The following DIAPH2 variants were observed in gnomAD, a reference collection of about 807,000 sequenced individuals.
The protein encoded by DIAPH2 is protein diaphanous homolog 2.
DIAPH2 carries 35 observed loss-of-function variants against 92.7 expected under a neutral mutation model. That is an observed-to-expected ratio of 0.38 (90% confidence interval 0.29 to 0.50). DIAPH2 has a LOEUF of 0.50. Among genes scored for constraint, DIAPH2 ranks in the 20% least tolerant of loss-of-function variants. The pLI is 0.94. For synonymous variants in DIAPH2, 301 were observed against 280.4 expected (o/e 1.07, Z -0.73); for missense variants, 701 against 819.5 (o/e 0.86, Z 1.77).
chrX:97,330,085 T>TTGTGTGTGTG lies in DIAPH2; in HGVS notation c.2845-18013_2845-18004dup, dbSNP rs367920689. On this transcript the variant is annotated intron_variant, in intron 23 of 26. Transcript: ENST00000324765. ...AGAAATAAAAATTTAGATTTGGTGT[T>TTGTGTGTGTG]TGTGTGTGTGTGTGTGTGTGTGTGT... 4.7e-4 allele frequency among the ~76,000 whole-genome samples: 45 copies of TTGTGTGTGTG among 94,880 alleles called. 1 individual carries two copies. The highest frequency in any genetic ancestry group is 3.2e-3 in the East Asian group (9 of 2,835). 82.4% of individuals were successfully genotyped at this position (94,880 alleles called of 115,157 possible).
intron 23 of DIAPH2, among the ~76,000 whole-genome samples, chrX:97,314,394 CAG>C (rs760989334): frequency 1.8e-5 from 2 of 111,122 alleles, no homozygotes; most frequent in African/African-American, 6.5e-5. Flanking sequence ...GTCTGGAAGA[CAG>C]AGTGAGATTC....
chrX:97,080,445 A>G (rs1276195899), intron 19 of DIAPH2, among the ~76,000 whole-genome samples: 2 of 109,933 alleles, frequency 1.8e-5, no homozygotes, highest in African/African-American at 6.6e-5. Context: ...GGACTATGCC[A>G]GCTTGCTTCT....
chrX:96,839,617 ATTAAT>A (rs2064922696), intron 4 of DIAPH2, among the ~76,000 whole-genome samples: 1 of 112,153 alleles, frequency 8.9e-6, no homozygotes, highest in Non-Finnish European at 1.9e-5. Flanking sequence ...TATATTCAAC[ATTAAT>A]TTAAGAGTTT....
chrX:97,554,696 T>C (rs2071244981), intron 26 of DIAPH2, among the ~76,000 whole-genome samples: 1 of 111,799 alleles, frequency 8.9e-6, no homozygotes, highest in Admixed American at 9.5e-5. Context: ...CTTATATAAC[T>C]TGGGCAAATT....
intron 24 of DIAPH2, among the ~76,000 whole-genome samples, chrX:97,361,123 C>T (rs2069321985): frequency 9.3e-6 from 1 of 107,773 alleles, no homozygotes. Context: ...AACTCCTGGC[C>T]TCAAGCAGTC....
chrX:96,775,016 T>A (rs1401595704), intron 4 of DIAPH2, among the ~76,000 whole-genome samples: 1 of 112,327 alleles, frequency 8.9e-6, no homozygotes, highest in African/African-American at 3.2e-5. Context: ...TCCTCTTCCA[T>A]TGGAAATGCA....
chrX:97,112,040 A>T (rs778812827), intron 20 of DIAPH2, among the ~76,000 whole-genome samples: 16 of 112,279 alleles, frequency 1.4e-4, no homozygotes, highest in Admixed American at 6.6e-4. Flanking sequence ...TACTTTGGTT[A>T]TGTAATTTCA....
intron 21 of DIAPH2, among the ~76,000 whole-genome samples, chrX:97,132,911 G>A (rs1227397454): frequency 2.7e-5 from 3 of 109,797 alleles, no homozygotes; most frequent in Non-Finnish European, 3.8e-5. Flanking sequence ...GAAGGATTAG[G>A]CAATTTTTTT....
chrX:96,974,690 G>A (rs1026290623), intron 17 of DIAPH2, among the ~76,000 whole-genome samples: 2 of 111,442 alleles, frequency 1.8e-5, no homozygotes, highest in Non-Finnish European at 3.8e-5. Context: ...TTGTATATAT[G>A]TTCTAGTTTT....
chrX:97,251,671 C>A (rs926620529), intron 23 of DIAPH2, among the ~76,000 whole-genome samples: 1 of 111,751 alleles, frequency 8.9e-6, no homozygotes, highest in African/African-American at 3.3e-5. Context: ...GACCAGCCCA[C>A]CTCAGCCTCC....
chrX:97,597,706 G>A (rs2071563100), intron 26 of DIAPH2, among the ~76,000 whole-genome samples: 1 of 111,636 alleles, frequency 9.0e-6, no homozygotes, highest in Non-Finnish European at 1.9e-5. Flanking sequence ...AAACCAATCT[G>A]TATGCAAACC....
intron 1 of DIAPH2, among the ~76,000 whole-genome samples, chrX:96,695,741 T>A (rs1433923752): frequency 8.9e-6 from 1 of 111,999 alleles, no homozygotes; most frequent in Non-Finnish European, 1.9e-5. Flanking sequence ...CTGAAGGGCA[T>A]CTTATTTCTT....
chrX:97,379,143 A>G (rs189406878), intron 24 of DIAPH2, among the ~76,000 whole-genome samples: 211 of 111,616 alleles, frequency 1.9e-3, no homozygotes, highest in African/African-American at 6.8e-3. Context: ...AGTTACAGTG[A>G]TATATATGGA....
intron 15 of DIAPH2, among the ~76,000 whole-genome samples, chrX:96,952,104 G>C (rs1173437676): frequency 9.0e-6 from 1 of 111,479 alleles, no homozygotes; most frequent in Non-Finnish European, 1.9e-5. Context: ...TTTTATCTCA[G>C]TTAAGACTAT....
At position 97,247,752 on chromosome X, in the gene DIAPH2, G is replaced by A; in HGVS notation, c.2757G>A (p.Met919Ile). Residue 919 changes from methionine to isoleucine, a missense_variant, in exon 23 of 27, where the codon ATG becomes ATA. Around this residue, in one of 3 missense-constraint regions of DIAPH2, gnomAD observed 536 missense variants for 599.3 expected, o/e 0.89. Coordinates refer to ENST00000324765, the MANE Select transcript of DIAPH2 (RefSeq NM_006729.5). ...AQILKSNLASMEQQIVHLERD... is the reference protein window; with the variant it reads ...AQILKSNLASIEQQIVHLERD... The stretch of plus-strand genomic sequence containing the variant: ...TTCTCAAGAGCAACCTTGCATCAAT[G>A]GAACAACAAATTGTTCATCTGGAAC... 1 of 1,203,790 alleles carries A rather than the reference G, an allele frequency of 8.3e-7. No individual in the cohort carries two copies. Among genetic ancestry groups the A allele is most frequent in the African/African-American group, 1.7e-5 (1 of 57,596 alleles).
chrX:97,105,312 G>GA lies in DIAPH2; in HGVS notation c.2349+5526dup, dbSNP rs1005627002. Among the ~76,000 whole-genome samples, 18 of 108,589 alleles carry GA rather than the reference G, an allele frequency of 1.7e-4. No individual in the cohort carries two copies. The South Asian group carries it at 2.0e-3, about 12-fold the overall frequency. The allele number at this position is 108,589 out of a possible 115,157, so 94.3% of individuals were successfully genotyped here. Reference sequence around the variant, plus strand: ...CATGTGCAACCAGTTGGAAAAAAGAGAAAAAAAAAGAAATAGAAAAACCCA... The same window carrying GA: ...CATGTGCAACCAGTTGGAAAAAAGAGAAAAAAAAAAGAAATAGAAAAACCCA... On this transcript the variant is annotated intron_variant, in intron 20 of 26. Transcript: ENST00000324765.
chrX:97,033,010 G>A (rs2066387061), intron 17 of DIAPH2, among the ~76,000 whole-genome samples: 1 of 111,461 alleles, frequency 9.0e-6, no homozygotes, highest in Non-Finnish European at 1.9e-5. Flanking sequence ...AGGAACATGT[G>A]TAAACCATTG....
intron 25 of DIAPH2, among the ~76,000 whole-genome samples, chrX:97,420,040 T>G (rs191927220): frequency 1.4e-3 from 157 of 111,587 alleles, no homozygotes; most frequent in African/African-American, 4.7e-3. Flanking sequence ...GTTTTTCTGG[T>G]AAGCGTTAAC....
At chrX:97,376,495 C>T (rs1427752545) in intron 24 of DIAPH2, among the ~76,000 whole-genome samples, 3 of 112,176 alleles carry the variant, frequency 2.7e-5, no homozygotes, top group Admixed American at 1.9e-4. Flanking sequence ...CATATGTGGA[C>T]ATGGTCCTGG....
Sources: allele counts gnomAD v4.1 joint callset (sites outside exome capture counted in the v4.1 genomes callset), GRCh38; gene constraint gnomAD v4.1.1; regional missense constraint gnomAD v4.1.1; transcripts MANE v1.5; gene names NCBI Gene and HGNC (gene_info 2026-07-23, HGNC 2026-07-21).